Variants in CFAP69 observed in about 807,000 individuals in gnomAD.
CFAP69 encodes cilia and flagella associated protein 69.
In CFAP69, 92 loss-of-function variants were observed where a neutral mutation model predicts 123.0. The observed-to-expected ratio is 0.75, with a 90% confidence interval of 0.63 to 0.89. The LOEUF is 0.89. Ranked by LOEUF, CFAP69 falls within the 40% of genes least tolerant of loss-of-function variation. The pLI is 0.00. For missense variants in CFAP69, 1,067 were observed against 1,096.9 expected, an observed-to-expected ratio of 0.97 and a Z score of 0.39; for synonymous variants, 380 against 364.3, an observed-to-expected ratio of 1.04 and a Z score of -0.49.
Position 90,271,819 on chromosome 7 carries a change from A to C in CFAP69, c.721A>C (p.Ser241Arg), listed in dbSNP as rs747584986. 6.3e-7 allele frequency: 1 copy of C among 1,588,988 alleles called. No individual in the cohort carries two copies. Among genetic ancestry groups the C allele is most frequent in the East Asian group, 2.3e-5 (1 of 43,720 alleles). ...TATAATGATGAAAGCACAAGCAGCC[A>C]GTGGAATCTGTACTCACCTCAATGA... ...CTIMMKAQAA[S>R]GICTHLNDPD... Residue 241 changes from serine to arginine, a missense_variant, in exon 8 of 23, where the codon AGT becomes CGT. Coordinates refer to ENST00000389297, the MANE Select transcript of CFAP69 (RefSeq NM_001039706.3).
chr7:90,255,583 G>A (rs187828241), intron 2 of CFAP69, 101 bp downstream of exon 2: 32 of 902,508 alleles, frequency 3.5e-5, no homozygotes, highest in Middle Eastern at 5.0e-4. Context: ...CATTTATCTC[G>A]TTTTGTTGAA....
intron 12 of CFAP69, 92 bp from the exon 13 acceptor site, chr7:90,282,800 T>A: frequency 9.6e-7 from 1 of 1,047,026 alleles, no homozygotes; most frequent in Admixed American, 3.6e-5. Flanking sequence ...AATTTTAACA[T>A]TTGTTTAAAC....
chr7:90,297,695 A>T, intron 15 of CFAP69, 54 bp from the exon 16 acceptor site: 1 of 1,116,468 alleles, frequency 9.0e-7, no homozygotes, highest in South Asian at 1.4e-5. Flanking sequence ...AAGCTGTACA[A>T]ATTCAGTTTA....
At chr7:90,267,746 A>T (rs979015300) in intron 5 of CFAP69, among the ~76,000 whole-genome samples, 3 of 152,206 alleles carry the variant, frequency 2.0e-5, no homozygotes, top group Admixed American at 1.3e-4. Flanking sequence ...AGTAAAGGCA[A>T]AAAATTACTG....
At chr7:90,276,482 G>T (rs577502222) in intron 9 of CFAP69, among the ~76,000 whole-genome samples, 156 of 152,316 alleles carry the variant, frequency 1.0e-3, no homozygotes, top group African/African-American at 3.6e-3. Context: ...TAAGCCCAGG[G>T]TTTGCCCCTG....
chr7:90,277,295 C>T lies in CFAP69; in HGVS notation c.1116C>T (p.Asn372=), dbSNP rs3761805. ...TTGAGTTGAAGAAATTACTATTCAA[C>T]GTAATTGTGATCTTATGTAAAGATT... ...EDFELKKLLF[N]VIVILCKDLP... is the part of the protein sequence containing the mutation. The change falls in exon 11 of 23, where the codon AAC becomes AAT. Residue 372 remains asparagine, a synonymous_variant. Transcript: ENST00000389297. 0.22 allele frequency: 348,482 copies of T among 1,580,284 alleles called. 46,848 individuals are homozygous for T. The highest frequency in any genetic ancestry group is 0.69 in the East Asian group (30,225 of 44,066).
intron 9 of CFAP69, 67 bp from the exon 10 acceptor site, chr7:90,277,006 G>A (rs1788712660): frequency 9.0e-7 from 1 of 1,114,432 alleles, no homozygotes; most frequent in East Asian, 2.6e-5. Flanking sequence ...TAGTAAATAT[G>A]AGCATCTGCA....
At chr7:90,276,650 G>T (rs1367369795) in intron 9 of CFAP69, among the ~76,000 whole-genome samples, 1 of 152,188 alleles carries the variant, frequency 6.6e-6, no homozygotes, top group Non-Finnish European at 1.5e-5. Flanking sequence ...AACAAGAATG[G>T]TTGGGGTAGA....
chr7:90,294,380 T>A (rs927096206), intron 15 of CFAP69, among the ~76,000 whole-genome samples: 3 of 152,204 alleles, frequency 2.0e-5, no homozygotes, highest in Admixed American at 1.3e-4. Flanking sequence ...TCATTCTACT[T>A]TTTACTTTTC....
intron 2 of CFAP69, among the ~76,000 whole-genome samples, chr7:90,256,660 T>C (rs1378890650): frequency 6.6e-6 from 1 of 152,164 alleles, no homozygotes; most frequent in East Asian, 1.9e-4. Context: ...TTTTTACATA[T>C]AAAGGAGAAA....
chr7:90,286,274 A>T lies in CFAP69; in HGVS notation c.1538-7A>T, dbSNP rs1162154546. 1 of 1,586,780 alleles carries T rather than the reference A, an allele frequency of 6.3e-7. No homozygotes were observed. Among genetic ancestry groups the T allele is most frequent in the Non-Finnish European group, 8.6e-7 (1 of 1,163,504 alleles). On this transcript the variant is annotated splice_polypyrimidine_tract_variant and splice_region_variant and intron_variant, in intron 13 of 22. Transcript: ENST00000389297. ...AACTATACAGTCTTTAAATGTTTTC[A>T]TACCAGGAATCTTTAAAAATATAAT... is the stretch of plus-strand genomic sequence containing the variant.
In CFAP69 at chr7:90,307,097, A is replaced by T. The variant is rs1250282801; in HGVS notation, c.2462A>T (p.Lys821Ile). ...DMQNEQKVYA[K>I]IQATHKQREL... ...CAAAATGAACAAAAAGTATATGCAAAAGTAAGCTACATAGGTAGTGAGGAG... is the reference window on the plus strand; with the variant it reads ...CAAAATGAACAAAAAGTATATGCAATAGTAAGCTACATAGGTAGTGAGGAG... Residue 821 changes from lysine (K) to isoleucine (I), a missense_variant and splice_region_variant, in exon 20 of 23, where the codon AAA becomes ATA. Physicochemically the swap from Lys to Ile is moderately radical, Grantham distance 102. Transcript: ENST00000389297. 1 of 1,609,792 alleles carries T rather than the reference A, an allele frequency of 6.2e-7. No homozygotes were observed. The highest frequency in any genetic ancestry group is 8.5e-7 in the Non-Finnish European group (1 of 1,178,556).
intron 5 of CFAP69, 21 bp from the exon 6 acceptor site, chr7:90,268,265 A>G (rs1280877401): frequency 6.7e-7 from 1 of 1,494,086 alleles, no homozygotes; most frequent in Admixed American, 1.8e-5. Context: ...GTTAAATAGC[A>G]CCTGTTTATC....
chr7:90,277,938 A>G (rs1325085411), intron 11 of CFAP69, among the ~76,000 whole-genome samples: 3 of 152,072 alleles, frequency 2.0e-5, no homozygotes, highest in Non-Finnish European at 1.5e-5. Context: ...CCTCCTGTAA[A>G]GGAAAGATTA....
At chr7:90,306,760 C>T (rs1160029297) in intron 19 of CFAP69, 141 bp from the exon 20 acceptor site, 2 of 635,720 alleles carry the variant, frequency 3.1e-6, no homozygotes, top group South Asian at 1.9e-5. Flanking sequence ...CAATCATTCC[C>T]AATGCACTTA....
chr7:90,261,634 CTA>C, intron 3 of CFAP69, among the ~76,000 whole-genome samples: 1 of 152,086 alleles, frequency 6.6e-6, no homozygotes, highest in Non-Finnish European at 1.5e-5. Context: ...TTTCAATGTG[CTA>C]TTACTCATTG....
intron 3 of CFAP69, 91 bp from the exon 4 acceptor site, chr7:90,261,856 A>G (rs1798376217): frequency 1.6e-6 from 1 of 639,820 alleles, no homozygotes; most frequent in Non-Finnish European, 2.4e-6. Context: ...AATAGTTGGA[A>G]TTCTATAGAC....
At chr7:90,285,052 T>C (rs924747435) in intron 13 of CFAP69, among the ~76,000 whole-genome samples, 1 of 152,224 alleles carries the variant, frequency 6.6e-6, no homozygotes, top group Non-Finnish European at 1.5e-5. Context: ...CATTATACTA[T>C]GTGTTACAGG....
At chr7:90,254,131 A>G (rs1257483620) in intron 1 of CFAP69, among the ~76,000 whole-genome samples, 1 of 152,198 alleles carries the variant, frequency 6.6e-6, no homozygotes, top group Non-Finnish European at 1.5e-5. Flanking sequence ...ACCTTTGTCA[A>G]AAATGATTTG....
Sources: gnomAD v4.1 joint callset for allele counts (sites outside exome capture counted in the v4.1 genomes callset) on GRCh38, gnomAD v4.1.1 for gene constraint, MANE v1.5 for transcripts, NCBI Gene and HGNC (gene_info 2026-07-23, HGNC 2026-07-21) for gene names.